Variants in ZC3H12D observed in about 807,000 individuals in gnomAD.
ZC3H12D encodes the protein zinc finger CCCH-type containing 12D.
ZC3H12D carries 11 observed loss-of-function variants against 24.2 expected under a neutral mutation model. The observed-to-expected ratio is 0.46, with a 90% CI of 0.29 to 0.75. The LOEUF (loss-of-function observed/expected upper bound fraction) is 0.75. Ranked by LOEUF, ZC3H12D falls within the 30% of genes least tolerant of loss-of-function variation. The probability of loss-of-function intolerance (pLI) is 0.11; values close to 1 mark genes in which losing one functional copy is unlikely to be tolerated. For missense variants in ZC3H12D, 740 were observed against 767.7 expected (o/e 0.96, Z 0.43); for synonymous variants, 333 against 341.8 (o/e 0.97, Z 0.28).
chr6:149,469,533 G>A (rs540796752), intron 2 of ZC3H12D, among the ~76,000 whole-genome samples: 10 of 152,028 alleles, frequency 6.6e-5, no homozygotes, highest in Middle Eastern at 3.4e-3. Flanking sequence ...ATGCCATTTT[G>A]AACACGCTTT....
At position 149,452,520 on chromosome 6, in the gene ZC3H12D, C is replaced by A; in HGVS notation, c.787+96G>T. 1 of 1,043,846 alleles carries A rather than the reference C, an allele frequency of 9.6e-7. No individual in the cohort carries two copies. Among genetic ancestry groups the A allele is most frequent in the Non-Finnish European group, 1.3e-6 (1 of 764,410 alleles). The allele number at this position is 1,043,846 out of a possible 1,614,324, so 64.7% of individuals were successfully genotyped here. A position where few individuals can be genotyped will look rare whatever the true frequency, so the allele number is the denominator to read the frequency against. ...GGCAGAACTTGGGCAAGAGCCCAGGCCGCTGAGCACCAGGCCAGCGCTTTT... is the reference window on the plus strand; with the variant it reads ...GGCAGAACTTGGGCAAGAGCCCAGGACGCTGAGCACCAGGCCAGCGCTTTT... On this transcript the variant is annotated intron_variant, in intron 5 of 5. Coordinates refer to ENST00000409806, the MANE Select transcript of ZC3H12D (RefSeq NM_207360.3). This position sits in a 1 kb window ranked among gnomAD's most constrained non-coding sequence, Gnocchi z 4.0.
chr6:149,471,092 A>T (rs1469217609), intron 2 of ZC3H12D, among the ~76,000 whole-genome samples: 1 of 152,232 alleles, frequency 6.6e-6, no homozygotes, highest in East Asian at 1.9e-4. Flanking sequence ...CCCACCTCTT[A>T]CAAAATGAGG....
At chr6:149,472,936 T>G (rs1310809610) in intron 2 of ZC3H12D, among the ~76,000 whole-genome samples, 1 of 152,098 alleles carries the variant, frequency 6.6e-6, no homozygotes, top group African/African-American at 2.4e-5. Context: ...ACCTACTGGA[T>G]TCTTAAAAAT....
intron 2 of ZC3H12D, among the ~76,000 whole-genome samples, chr6:149,473,844 A>G (rs903553891): frequency 2.0e-5 from 3 of 151,438 alleles, no homozygotes. Context: ...TTAGGGACAG[A>G]CTCCCAACAA....
Position 149,449,236 on chromosome 6 carries a change from T to G in ZC3H12D, c.*1447A>C, listed in dbSNP as rs1775836912. On this transcript the variant is annotated 3_prime_UTR_variant, in exon 6 of 6. Coordinates refer to ENST00000409806, the MANE Select transcript of ZC3H12D (RefSeq NM_207360.3). Reference sequence around the variant, plus strand: ...AACTCTGACTGAGCTCATGTCAGTTTTCTCCTAACCCACCTGTAGATTTGA... The same window carrying G: ...AACTCTGACTGAGCTCATGTCAGTTGTCTCCTAACCCACCTGTAGATTTGA... 6.6e-6 allele frequency: 1 copy of G among 152,224 alleles called. No individual in the cohort carries two copies. The highest frequency in any genetic ancestry group is 2.1e-4 in the South Asian group (1 of 4,826). The allele number at this position is 152,224 out of a possible 1,614,324, so 9.4% of individuals were successfully genotyped here.
At chr6:149,476,336 C>T (rs1439143836) in intron 1 of ZC3H12D, among the ~76,000 whole-genome samples, 1 of 152,194 alleles carries the variant, frequency 6.6e-6, no homozygotes, top group African/African-American at 2.4e-5. Context: ...GAAATCCTGT[C>T]TCTACTAAAA....
Position 149,456,623 on chromosome 6 carries a change from GC to G in ZC3H12D, c.680+42del. Reference sequence around the variant, plus strand: ...GCCACTGCCTCGACCCCGGCCCCCCGCCCCGCCGCCCCCCAGGGTGTCAGGA... The same window carrying G: ...GCCACTGCCTCGACCCCGGCCCCCCGCCCGCCGCCCCCCAGGGTGTCAGGA... On this transcript the variant is annotated intron_variant, in intron 4 of 5. Coordinates refer to ENST00000409806, the MANE Select transcript of ZC3H12D (RefSeq NM_207360.3). This position sits in a 1 kb window ranked among gnomAD's most constrained non-coding sequence, Gnocchi z 4.3. The G allele has an allele frequency of 1.3e-6, 1 of 744,584 alleles. No homozygotes were observed. 46.1% of individuals were successfully genotyped at this position (744,584 alleles called of 1,614,324 possible).
At chr6:149,460,839 A>AG (rs1562473463) in intron 3 of ZC3H12D, among the ~76,000 whole-genome samples, 14 of 151,454 alleles carry the variant, frequency 9.2e-5, no homozygotes, top group African/African-American at 2.2e-4. Flanking sequence ...TCAAAAAAAA[A>AG]AAAGAAAGAA....
chr6:149,481,752 AG>A (rs759594939), intron 1 of ZC3H12D, among the ~76,000 whole-genome samples: 8 of 152,140 alleles, frequency 5.3e-5, no homozygotes, highest in Non-Finnish European at 8.8e-5. Context: ...TCCCTTCCCG[AG>A]GGTGAGGAAA....
chr6:149,461,650 G>A, intron 3 of ZC3H12D, 181 bp downstream of exon 3: 1 of 533,148 alleles, frequency 1.9e-6, no homozygotes, highest in East Asian at 3.5e-5. Context: ...TACGCTAGGT[G>A]CTAGGTGCTA....
rs1291925808 is a variant in ZC3H12D at position 149,450,662 on chromosome 6, C to T, written c.*21G>A. 2 of 1,497,064 alleles carry T rather than the reference C, an allele frequency of 1.3e-6. No individual in the cohort carries two copies. The highest frequency in any genetic ancestry group is 2.5e-5 in the South Asian group (2 of 78,850). 92.7% of individuals were successfully genotyped at this position (1,497,064 alleles called of 1,614,324 possible). On this transcript the variant is annotated 3_prime_UTR_variant, in exon 6 of 6. Transcript: ENST00000409806. ...ACGCAAGGCGAGGCTGGGCCATTCC[C>T]TGCAAGTGCGTGTTGGTCCCTTAGG...
intron 2 of ZC3H12D, among the ~76,000 whole-genome samples, chr6:149,462,346 C>A (rs1051069420): frequency 6.6e-5 from 10 of 152,096 alleles, no homozygotes; most frequent in Non-Finnish European, 1.5e-4. Context: ...TGCACTCCGG[C>A]CTGGGCAACA....
intron 1 of ZC3H12D, among the ~76,000 whole-genome samples, chr6:149,476,811 A>AAATAGAATCG (rs1776349599): frequency 1.3e-5 from 2 of 150,892 alleles, no homozygotes; most frequent in Admixed American, 1.3e-4. Context: ...CTGTCTAAAA[A>AAATAGAATCG]AATAGAATAG....
At chr6:149,451,743 T>C (rs1052235865) in intron 5 of ZC3H12D, among the ~76,000 whole-genome samples, 26 of 152,220 alleles carry the variant, frequency 1.7e-4, no homozygotes, top group African/African-American at 6.3e-4. Flanking sequence ...TCCCAGGGTA[T>C]GCAGAGGAGT....
At position 149,450,850 on chromosome 6, in the gene ZC3H12D, C is replaced by A. The variant is rs1053018695; in HGVS notation, c.1417G>T (p.Asp473Tyr). Residue 473 changes from aspartate (D) to tyrosine (Y), a missense_variant, in exon 6 of 6, where the codon GAC becomes TAC. Coordinates refer to ENST00000409806, the MANE Select transcript of ZC3H12D (RefSeq NM_207360.3). ...GGLSVYATEDDEGDARARARI... is the reference protein window; with the variant it reads ...GGLSVYATEDYEGDARARARI... The stretch of plus-strand genomic sequence containing the variant: ...GCCCGGGCGCGCGCGTCCCCCTCGT[C>A]GTCCTCGGTCGCGTACACTGAAAGT... 1 of 1,544,086 alleles carries A rather than the reference C, an allele frequency of 6.5e-7. No individual in the cohort carries two copies. Among genetic ancestry groups the A allele is most frequent in the Non-Finnish European group, 8.7e-7 (1 of 1,146,668 alleles).
chr6:149,479,622 G>A (rs1180742258), intron 1 of ZC3H12D, among the ~76,000 whole-genome samples: 2 of 152,142 alleles, frequency 1.3e-5, no homozygotes, highest in Non-Finnish European at 2.9e-5. Flanking sequence ...TCAAGACACT[G>A]AATTACTCAG....
chr6:149,480,468 A>G (rs1477275217), intron 1 of ZC3H12D, among the ~76,000 whole-genome samples: 1 of 152,216 alleles, frequency 6.6e-6, no homozygotes, highest in African/African-American at 2.4e-5. Flanking sequence ...GAAGAGAACA[A>G]TAGATACCAG....
At chr6:149,478,881 G>A (rs1000654024) in intron 1 of ZC3H12D, among the ~76,000 whole-genome samples, 3 of 151,954 alleles carry the variant, frequency 2.0e-5, no homozygotes, top group South Asian at 2.1e-4. Context: ...AAAACAAGTC[G>A]GATCATGTTC....
At chr6:149,463,606 G>T (rs1666502678) in intron 2 of ZC3H12D, among the ~76,000 whole-genome samples, 1 of 152,212 alleles carries the variant, frequency 6.6e-6, no homozygotes, top group Non-Finnish European at 1.5e-5. Flanking sequence ...CTACTCAGGG[G>T]GCTGAGGCAG....
Sources: gnomAD v4.1 joint callset for allele counts (sites outside exome capture counted in the v4.1 genomes callset) on GRCh38, gnomAD v4.1.1 for gene constraint, Gnocchi (gnomAD v3.1) non-coding constraint, MANE v1.5 for transcripts, NCBI Gene and HGNC (gene_info 2026-07-23, HGNC 2026-07-21) for gene names.